CS: variants seen among roughly 807,000 people sequenced by gnomAD.
CS encodes citrate synthase.
Under a neutral mutation model 61.4 loss-of-function variants are expected in CS, and 13 were observed. The ratio of observed to expected loss-of-function variants is 0.21; its 90% CI spans 0.14 to 0.34. The LOEUF (loss-of-function observed/expected upper bound fraction) is 0.34, where lower values mean the gene tolerates loss of function less well. Among genes scored for constraint, CS ranks in the 10% least tolerant of loss-of-function variants. The pLI is 1.00. For missense variants in CS, 278 were observed against 573.4 expected (o/e 0.48, Z 5.26); for synonymous variants, 159 against 215.2 (o/e 0.74, Z 2.29).
chr12:56,285,393 C>T (rs1872912050), intron 3 of CS: 2 of 255,206 alleles, frequency 7.8e-6, no homozygotes, highest in South Asian at 7.3e-5. Flanking sequence ...AGCAATCCTC[C>T]TGCCTTTGCC....
At chr12:56,292,533 C>T (rs1873158354) in intron 1 of CS, among the ~76,000 whole-genome samples, 1 of 151,746 alleles carries the variant, frequency 6.6e-6, no homozygotes, top group Admixed American at 6.6e-5. Context: ...GTCTCCTTTG[C>T]TCGGTGTACT....
rs771632192 is a variant in CS, at chr12:56,273,240, C to T, written c.1245G>A (p.Thr415=). The T allele has an allele frequency of 9.3e-6, 15 of 1,613,966 alleles. No individual in the cohort carries two copies. Among genetic ancestry groups the T allele is most frequent in the South Asian group, 2.2e-5 (2 of 91,066 alleles). ...SGVLLQYYGM[T]EMNYYTVLFG... ...ACAGGACCGTGTAGTAATTCATCTC[C>T]GTCATGCCATAATACTGTAAGGTAG... The change falls in exon 11 of 11, where the codon ACG becomes ACA. Residue 415 remains threonine, a synonymous_variant. Transcript: ENST00000351328.
intron 3 of CS, among the ~76,000 whole-genome samples, chr12:56,284,959 TC>T (rs1200088805): frequency 2.7e-5 from 4 of 150,084 alleles, no homozygotes; most frequent in Admixed American, 6.6e-5. Flanking sequence ...TTTTTTTTTT[TC>T]CCCCCAGATG....
intron 7 of CS, 108 bp downstream of exon 7, chr12:56,275,888 C>G: frequency 1.0e-6 from 1 of 981,474 alleles, no homozygotes; most frequent in Admixed American, 2.1e-5. Context: ...TTTCTGTCTT[C>G]TTGCTGCCTA....
intron 3 of CS, among the ~76,000 whole-genome samples, chr12:56,284,857 T>C (rs10876881): frequency 0.9 from 128,687 of 143,510 alleles, 59,459 homozygotes; most frequent in East Asian, 1. Context: ...CGAGATCACG[T>C]CACTGTACTC....
chr12:56,288,413 G>A (rs561480650), intron 1 of CS, among the ~76,000 whole-genome samples: 1 of 147,580 alleles, frequency 6.8e-6, no homozygotes, highest in East Asian at 2.0e-4. Context: ...GTGCAGTGGC[G>A]TGATCTCTGG....
intron 6 of CS, among the ~76,000 whole-genome samples, chr12:56,277,295 C>T (rs1297560458): frequency 2.7e-5 from 4 of 150,896 alleles, no homozygotes; most frequent in African/African-American, 7.3e-5. Context: ...GTCAGGAGAT[C>T]GAGACCATCC....
chr12:56,286,233 G>T, intron 2 of CS: 1 of 569,286 alleles, frequency 1.8e-6, no homozygotes, highest in Non-Finnish European at 3.1e-6. Context: ...TTCTCGGTTT[G>T]GGCAGACAAA....
At chr12:56,276,349 G>C (rs1872623643) in intron 6 of CS, among the ~76,000 whole-genome samples, 154 bp from the exon 7 acceptor site, 1 of 152,152 alleles carries the variant, frequency 6.6e-6, no homozygotes, top group Non-Finnish European at 1.5e-5. Flanking sequence ...TTTGAAAGTA[G>C]AGAATAACAA....
chr12:56,282,755 C>T, intron 5 of CS, 105 bp downstream of exon 5: 2 of 1,563,668 alleles, frequency 1.3e-6, no homozygotes, highest in Non-Finnish European at 1.7e-6. Context: ...TCCTTCCCTT[C>T]ACTACGCATC....
intron 1 of CS, among the ~76,000 whole-genome samples, chr12:56,298,085 G>T (rs2629444): frequency 6.7e-6 from 1 of 150,306 alleles, no homozygotes; most frequent in Admixed American, 6.6e-5. Context: ...CACAACATCC[G>T]CCTCCTGGGT....
intron 1 of CS, among the ~76,000 whole-genome samples, chr12:56,295,290 A>C (rs1873261325): frequency 6.6e-6 from 1 of 151,758 alleles, no homozygotes. Flanking sequence ...TGGGAGGCTG[A>C]GGCGGGTGGA....
At chr12:56,287,651 T>A (rs1373215598) in intron 1 of CS, among the ~76,000 whole-genome samples, 1 of 152,080 alleles carries the variant, frequency 6.6e-6, no homozygotes, top group Non-Finnish European at 1.5e-5. Flanking sequence ...TGAGTTTTCT[T>A]TTTCCTTTTC....
chr12:56,279,313 C>T (rs1014174351), intron 6 of CS, among the ~76,000 whole-genome samples: 20 of 152,132 alleles, frequency 1.3e-4, no homozygotes, highest in African/African-American at 4.8e-4. Flanking sequence ...GAAGATCATC[C>T]TCTTAAGGTA....
chr12:56,284,666 C>T (rs1872883172), intron 3 of CS, among the ~76,000 whole-genome samples: 1 of 146,072 alleles, frequency 6.8e-6, no homozygotes, highest in African/African-American at 2.5e-5. Context: ...CTTTGGGAGG[C>T]CAAGGCGGGC....
intron 8 of CS, 60 bp downstream of exon 8, chr12:56,274,942 C>A: frequency 6.2e-7 from 1 of 1,609,170 alleles, no homozygotes; most frequent in South Asian, 1.1e-5. Context: ...ATGCCAAGAT[C>A]AGAAACAAAG....
intron 10 of CS, 111 bp downstream of exon 10, chr12:56,273,476 G>A (rs1296623870): frequency 8.6e-7 from 1 of 1,156,158 alleles, no homozygotes; most frequent in African/African-American, 1.5e-5. Flanking sequence ...TTATCAAAAT[G>A]CTCTGTGAGG....
intron 3 of CS, chr12:56,285,334 C>T (rs1353411313): frequency 1.1e-5 from 4 of 378,404 alleles, no homozygotes; most frequent in Non-Finnish European, 2.2e-5. Context: ...CCAGGCTATA[C>T]TACAGTGGCA....
At chr12:56,276,888 C>T (rs1872634965) in intron 6 of CS, among the ~76,000 whole-genome samples, 1 of 152,052 alleles carries the variant, frequency 6.6e-6, no homozygotes, top group Non-Finnish European at 1.5e-5. Context: ...CATGACTTGA[C>T]GTTCAATGTG....
Sources: gnomAD v4.1 joint callset for allele counts (sites outside exome capture counted in the v4.1 genomes callset) on GRCh38, gnomAD v4.1.1 for gene constraint, MANE v1.5 for transcripts, NCBI Gene and HGNC (gene_info 2026-07-23, HGNC 2026-07-21) for gene names.